The following MICOS10 variants were observed in gnomAD, a reference collection of about 807,000 sequenced individuals.
The protein encoded by MICOS10 is mitochondrial contact site and cristae organizing system subunit 10.
In MICOS10, 5 loss-of-function variants were observed where a neutral mutation model predicts 13.4. The ratio of observed to expected loss-of-function variants is 0.37; its 90% confidence interval spans 0.20 to 0.78. The LOEUF is 0.78. Among genes scored for constraint, MICOS10 ranks in the 30% least tolerant of loss-of-function variants. MICOS10 has a pLI of 0.47. For missense variants in MICOS10, 101 were observed against 94.6 expected, an observed-to-expected ratio of 1.07 and a Z score of -0.28; for synonymous variants, 35 against 33.6, an observed-to-expected ratio of 1.04 and a Z score of -0.15.
chr1:19,625,564 G>T, intron 3 of MICOS10: 1 of 1,289,416 alleles, frequency 7.8e-7, no homozygotes, highest in Non-Finnish European at 1.0e-6. Context: ...CCACTCCCTG[G>T]CTCCTCGCTT....
intron 1 of MICOS10, among the ~76,000 whole-genome samples, chr1:19,610,367 C>CTTTTTTTTTTTTT (rs773668659): frequency 8.4e-5 from 1 of 11,914 alleles, no homozygotes; most frequent in African/African-American, 2.6e-4. Context: ...CACCCCCCGG[C>CTTTTTTTTTTTTT]TTTTTTTTTT....
At position 19,597,017 on chromosome 1, in the gene MICOS10, G is replaced by C. The variant is rs2094793869; in HGVS notation, c.-29G>C. 3 of 1,573,408 alleles carry C rather than the reference G, an allele frequency of 1.9e-6. No homozygotes were observed. Among genetic ancestry groups the C allele is most frequent in the Non-Finnish European group, 2.6e-6 (3 of 1,163,382 alleles). On this transcript the variant is annotated 5_prime_UTR_variant, in exon 1 of 4. Transcript: ENST00000322753. Reference sequence around the variant, plus strand: ...GGGTCGGAGCGCGGGGGCCGGCCGAGAGGAAAGCTGGAGGCGCGGGTGGGG... The same window carrying C: ...GGGTCGGAGCGCGGGGGCCGGCCGACAGGAAAGCTGGAGGCGCGGGTGGGG...
Position 19,625,619 on chromosome 1 carries a change from C to T in MICOS10, c.223-768C>T, listed in dbSNP as rs1016824786. ...TGTGGGGAGAACCGAAAGGAGCAGA[C>T]AGAGAAGCTTCAGGTCTTTTGCTTA... On this transcript the variant is annotated intron_variant, in intron 3 of 3. Transcript: ENST00000322753. The T allele has an allele frequency of 3.1e-6, 4 of 1,288,774 alleles. No homozygotes were observed. In the African/African-American group the frequency reaches 6.1e-5, roughly 20 times the overall value. The allele number at this position is 1,288,774 out of a possible 1,614,324, so 79.8% of individuals were successfully genotyped here. A position where few individuals can be genotyped will look rare whatever the true frequency, so the allele number is the denominator to read the frequency against.
chr1:19,616,884 C>G (rs1377076792), intron 1 of MICOS10, among the ~76,000 whole-genome samples: 2 of 152,096 alleles, frequency 1.3e-5, no homozygotes, highest in African/African-American at 4.8e-5. Flanking sequence ...CAAAGCACAC[C>G]CCCCATAAAT....
chr1:19,603,172 A>T (rs1019557576), intron 1 of MICOS10, among the ~76,000 whole-genome samples: 1 of 152,132 alleles, frequency 6.6e-6, no homozygotes, highest in Non-Finnish European at 1.5e-5. Flanking sequence ...TCTACTAAAA[A>T]TACAAAAAAT....
chr1:19,621,886 C>T (rs942818204), intron 1 of MICOS10, among the ~76,000 whole-genome samples: 3 of 152,090 alleles, frequency 2.0e-5, no homozygotes, highest in Non-Finnish European at 4.4e-5. Context: ...CTAGAGAGAA[C>T]AGGGAGTCAA....
chr1:19,597,214 C>T, intron 1 of MICOS10, 105 bp downstream of exon 1: 1 of 1,272,278 alleles, frequency 7.9e-7, no homozygotes, highest in Non-Finnish European at 1.1e-6. Flanking sequence ...GGTCAGGCCT[C>T]TCGGCCTTTT....
chr1:19,600,984 C>G, intron 1 of MICOS10: 1 of 1,289,392 alleles, frequency 7.8e-7, no homozygotes, highest in Non-Finnish European at 1.0e-6. Flanking sequence ...GAGTCCTTCT[C>G]TGTTTGGTTG....
At chr1:19,622,936 T>TA (rs2094909022) in intron 2 of MICOS10, among the ~76,000 whole-genome samples, 1 of 150,854 alleles carries the variant, frequency 6.6e-6, no homozygotes, top group Admixed American at 6.6e-5. Flanking sequence ...TTTTTTTTTT[T>TA]TTTTGAAACG....
At chr1:19,608,735 A>T in intron 1 of MICOS10, 1 of 530,706 alleles carries the variant, frequency 1.9e-6, no homozygotes, top group Non-Finnish European at 3.3e-6. Flanking sequence ...GGATTTGATA[A>T]AAATTAAAAA....
At chr1:19,626,112 A>G (rs2094921172) in intron 3 of MICOS10, among the ~76,000 whole-genome samples, 1 of 152,174 alleles carries the variant, frequency 6.6e-6, no homozygotes, top group Non-Finnish European at 1.5e-5. Flanking sequence ...CTCCCCTGGG[A>G]CGCCTTCGAC....
At chr1:19,614,363 CAT>C (rs1178249177) in intron 1 of MICOS10, 1 of 148,402 alleles carries the variant, frequency 6.7e-6, no homozygotes, top group African/African-American at 2.6e-5. Flanking sequence ...CACCTGCACA[CAT>C]ACACACCCAC....
intron 1 of MICOS10, chr1:19,600,923 G>A: frequency 7.8e-7 from 1 of 1,289,358 alleles, no homozygotes. Flanking sequence ...TTCATACTCT[G>A]GCTTGGCAAA....
chr1:19,613,704 A>G (rs2100293897), intron 1 of MICOS10, among the ~76,000 whole-genome samples: 1 of 152,364 alleles, frequency 6.6e-6, no homozygotes, highest in South Asian at 2.1e-4. Context: ...GGAAATGCCC[A>G]CACATAATGT....
At chr1:19,625,439 A>T (rs1205081358) in intron 3 of MICOS10, 2 of 1,289,380 alleles carry the variant, frequency 1.6e-6, no homozygotes, top group Admixed American at 4.6e-5. Context: ...TGTCTGCTGG[A>T]GAGATGGGAG....
chr1:19,598,992 C>T (rs145969771), intron 1 of MICOS10, among the ~76,000 whole-genome samples: 1,695 of 152,260 alleles, frequency 0.011, 17 homozygotes, highest in Non-Finnish European at 0.017. Flanking sequence ...TCAAGCGATC[C>T]TCCTGCCTCA....
intron 1 of MICOS10, among the ~76,000 whole-genome samples, chr1:19,606,331 GT>G (rs34639335): frequency 0.12 from 18,899 of 152,194 alleles, 1,273 homozygotes; most frequent in African/African-American, 0.17. Context: ...TTAATTTCTA[GT>G]ATGTCTTGAG....
intron 1 of MICOS10, among the ~76,000 whole-genome samples, chr1:19,598,506 G>T (rs966375478): frequency 6.6e-6 from 1 of 152,110 alleles, no homozygotes; most frequent in Non-Finnish European, 1.5e-5. Context: ...GCTGGGCGAA[G>T]TGGCTCAGGC....
At chr1:19,603,699 A>G (rs1315579909) in intron 1 of MICOS10, among the ~76,000 whole-genome samples, 2 of 152,270 alleles carry the variant, frequency 1.3e-5, no homozygotes, top group Non-Finnish European at 2.9e-5. Flanking sequence ...TTATTCTAAT[A>G]GAAGTCAGGT....
Sources: gnomAD v4.1 joint callset for allele counts (sites outside exome capture counted in the v4.1 genomes callset) on GRCh38, gnomAD v4.1.1 for gene constraint, MANE v1.5 for transcripts, NCBI Gene and HGNC (gene_info 2026-07-23, HGNC 2026-07-21) for gene names.